The following TBC1D14 variants were observed in gnomAD, a reference collection of about 807,000 sequenced individuals.
The protein encoded by TBC1D14 is TBC1 domain family member 14.
In TBC1D14, 26 loss-of-function variants were observed where a neutral mutation model predicts 79.0. That is an observed-to-expected ratio of 0.33 (90% confidence interval 0.24 to 0.46). The LOEUF is 0.46. Among genes scored for constraint, TBC1D14 ranks in the 20% least tolerant of loss-of-function variants. The probability of loss-of-function intolerance (pLI) is 1.00; values close to 1 mark genes in which losing one functional copy is unlikely to be tolerated. For missense variants in TBC1D14, 769 were observed against 887.6 expected (o/e 0.87, Z 1.70); for synonymous variants, 394 against 349.9 (o/e 1.13, Z -1.40).
intron 1 of TBC1D14, among the ~76,000 whole-genome samples, chr4:6,915,952 T>TA (rs77312739): frequency 0.018 from 2,499 of 137,298 alleles, 66 homozygotes; most frequent in African/African-American, 0.061. Context: ...CCACCTCTAC[T>TA]AAAAAAAAAA....
intron 8 of TBC1D14, among the ~76,000 whole-genome samples, chr4:7,005,905 C>T (rs1720150745): frequency 6.6e-6 from 1 of 152,180 alleles, no homozygotes; most frequent in Non-Finnish European, 1.5e-5. Context: ...TAGATTATGC[C>T]TTTAGAATTC....
chr4:6,961,194 CCT>C (rs1255198714), intron 2 of TBC1D14, among the ~76,000 whole-genome samples: 2 of 108,180 alleles, frequency 1.8e-5, no homozygotes, highest in African/African-American at 6.1e-5. Context: ...AGTGCTTCTG[CCT>C]CTCTCTGGCT....
intron 1 of TBC1D14, among the ~76,000 whole-genome samples, chr4:6,922,698 T>G (rs1723959784): frequency 6.6e-6 from 1 of 152,132 alleles, no homozygotes; most frequent in African/African-American, 2.4e-5. Flanking sequence ...GGTTATGGAT[T>G]CACATACTTT....
At chr4:6,998,302 G>A (rs1233947237) in intron 5 of TBC1D14, among the ~76,000 whole-genome samples, 1 of 151,160 alleles carries the variant, frequency 6.6e-6, no homozygotes, top group African/African-American at 2.4e-5. Flanking sequence ...GGAGGTTTCA[G>A]TGAGCCAAGA....
At position 7,030,409 on chromosome 4, in the gene TBC1D14, C is replaced by T. The variant is rs200166472; in HGVS notation, c.*17C>T. 83 of 1,613,536 alleles carry T rather than the reference C, an allele frequency of 5.1e-5. No individual in the cohort carries two copies. The highest frequency in any genetic ancestry group is 6.2e-5 in the Non-Finnish European group (73 of 1,179,606). On this transcript the variant is annotated 3_prime_UTR_variant, in exon 14 of 14. Transcript: ENST00000409757. ...CGACACTGAGGCTGCAGCGGGAATT[C>T]GCACTCGGCACCAATCAGAGCCCCA...
intron 3 of TBC1D14, among the ~76,000 whole-genome samples, chr4:6,985,297 C>CT (rs1185233982): frequency 1.3e-5 from 2 of 152,196 alleles, no homozygotes; most frequent in Non-Finnish European, 2.9e-5. Flanking sequence ...TCAAGCTGTT[C>CT]TTTTTGAACC....
chr4:6,951,543 A>G (rs66611116), intron 2 of TBC1D14, among the ~76,000 whole-genome samples: 21,066 of 152,162 alleles, frequency 0.14, 2,054 homozygotes, highest in African/African-American at 0.28. Flanking sequence ...ACACTTTCAC[A>G]AGGGAATTTT....
At chr4:6,996,500 C>T (rs555644183) in intron 5 of TBC1D14, 93 bp downstream of exon 5, 1 of 961,070 alleles carries the variant, frequency 1.0e-6, no homozygotes, top group East Asian at 2.5e-5. Context: ...GTCATAGAAC[C>T]TGAACTTCAG....
chr4:7,003,267 G>A (rs1577154105), intron 7 of TBC1D14, among the ~76,000 whole-genome samples: 1 of 152,332 alleles, frequency 6.6e-6, no homozygotes, highest in Middle Eastern at 3.4e-3. Context: ...CCCCGAGGCT[G>A]GCAGCCTCTG....
intron 2 of TBC1D14, among the ~76,000 whole-genome samples, chr4:6,950,366 A>C (rs1713919326): frequency 6.6e-6 from 1 of 152,214 alleles, no homozygotes. Context: ...CCTGTCTGTG[A>C]ATGAGTTTCT....
At chr4:7,022,837 A>G (rs1009936239) in intron 12 of TBC1D14, among the ~76,000 whole-genome samples, 28 of 151,976 alleles carry the variant, frequency 1.8e-4, no homozygotes, top group African/African-American at 5.8e-4. Context: ...TGTTAAATAA[A>G]AAAAAGAACA....
At chr4:6,910,955 A>G (rs1014342635) in intron 1 of TBC1D14, among the ~76,000 whole-genome samples, 2 of 152,068 alleles carry the variant, frequency 1.3e-5, no homozygotes, top group Non-Finnish European at 2.9e-5. Context: ...TGGGGACAAA[A>G]TGCTCACTGT....
chr4:6,985,276 C>T (rs13148395), intron 3 of TBC1D14, among the ~76,000 whole-genome samples: 13,740 of 152,230 alleles, frequency 0.09, 808 homozygotes, highest in Middle Eastern at 0.17. Flanking sequence ...GTTCTAATTT[C>T]CTCAGTTGTA....
chr4:6,959,676 G>A (rs544946129), intron 2 of TBC1D14, among the ~76,000 whole-genome samples: 4 of 152,332 alleles, frequency 2.6e-5, no homozygotes, highest in African/African-American at 9.6e-5. Context: ...TAGGCATGAC[G>A]ATTGTACTTA....
At chr4:7,019,633 A>C (rs548279069) in intron 12 of TBC1D14, among the ~76,000 whole-genome samples, 5 of 152,236 alleles carry the variant, frequency 3.3e-5, no homozygotes, top group Non-Finnish European at 7.3e-5. Flanking sequence ...TGCGGTGCTC[A>C]TGATGTTTAC....
At chr4:7,023,788 T>G (rs1382129553) in intron 12 of TBC1D14, among the ~76,000 whole-genome samples, 1 of 152,192 alleles carries the variant, frequency 6.6e-6, no homozygotes, top group Admixed American at 6.5e-5. Flanking sequence ...CTCCCGGGCA[T>G]TTCTTGATGC....
chr4:6,937,310 A>T (rs9999127), intron 2 of TBC1D14, among the ~76,000 whole-genome samples: 4 of 151,978 alleles, frequency 2.6e-5, no homozygotes, highest in Admixed American at 2.0e-4. Flanking sequence ...GAGGCGTAAG[A>T]TCAAGGTGCC....
At chr4:7,012,871 G>T (rs1720910402) in intron 11 of TBC1D14, among the ~76,000 whole-genome samples, 1 of 152,196 alleles carries the variant, frequency 6.6e-6, no homozygotes, top group Non-Finnish European at 1.5e-5. Context: ...AAATCTTGAG[G>T]AAGCGTTCTT....
At chr4:7,014,400 A>G (rs2109269118) in intron 11 of TBC1D14, 48 bp from the exon 12 acceptor site, 2 of 1,319,502 alleles carry the variant, frequency 1.5e-6, no homozygotes, top group Non-Finnish European at 2.2e-6. Context: ...TTGTAAATTG[A>G]AAACTTGTGC....
Sources: allele counts gnomAD v4.1 joint callset (sites outside exome capture counted in the v4.1 genomes callset), GRCh38; gene constraint gnomAD v4.1.1; transcripts MANE v1.5; gene names NCBI Gene and HGNC (gene_info 2026-07-23, HGNC 2026-07-21).